NDUFAF2: variants seen among roughly 807,000 people sequenced by gnomAD.
NDUFAF2 encodes the protein NADH dehydrogenase [ubiquinone] 1 alpha subcomplex assembly factor 2.
A neutral mutation model predicts 22.8 loss-of-function variants in NDUFAF2; 13 were observed. That is an observed-to-expected ratio of 0.57 (90% CI 0.37 to 0.91). The LOEUF (loss-of-function observed/expected upper bound fraction) is 0.91, where lower values mean the gene tolerates loss of function less well. NDUFAF2 is among the 40% of genes least tolerant of loss of function. The pLI, the probability that NDUFAF2 is intolerant of heterozygous loss-of-function variation, is 0.01. For synonymous variants in NDUFAF2, 53 were observed against 64.2 expected (o/e 0.83, Z 0.84); for missense variants, 162 against 195.2 (o/e 0.83, Z 1.01).
chr5:60,983,369 T>C (rs1188277934), intron 1 of NDUFAF2, among the ~76,000 whole-genome samples: 1 of 36,080 alleles, frequency 2.8e-5, no homozygotes, highest in Non-Finnish European at 7.7e-5. Flanking sequence ...ACTCTGATGG[T>C]AGTTTCTTTT....
intron 3 of NDUFAF2, among the ~76,000 whole-genome samples, chr5:61,119,176 A>G (rs956102751): frequency 7.9e-5 from 12 of 152,302 alleles, no homozygotes; most frequent in Admixed American, 5.9e-4. Context: ...TGCATACAGA[A>G]CGAATCAGTA....
chr5:61,053,036 T>A (rs758157616), intron 1 of NDUFAF2, among the ~76,000 whole-genome samples: 9 of 152,248 alleles, frequency 5.9e-5, no homozygotes, highest in Non-Finnish European at 1.2e-4. Context: ...AGTCACTTCA[T>A]TGGCATGAGC....
At chr5:61,127,595 G>T (rs191207126) in intron 3 of NDUFAF2, among the ~76,000 whole-genome samples, 34 of 151,542 alleles carry the variant, frequency 2.2e-4, no homozygotes, top group Middle Eastern at 3.4e-3. Context: ...TTTGAATTAG[G>T]TATTCAATAA....
At chr5:61,122,033 T>C (rs1752982337) in intron 3 of NDUFAF2, among the ~76,000 whole-genome samples, 1 of 152,082 alleles carries the variant, frequency 6.6e-6, no homozygotes, top group African/African-American at 2.4e-5. Context: ...TTTTACCATA[T>C]TGGCCAGGCT....
At chr5:61,087,189 T>A (rs1329352328) in intron 2 of NDUFAF2, among the ~76,000 whole-genome samples, 7 of 152,062 alleles carry the variant, frequency 4.6e-5, no homozygotes, top group African/African-American at 1.7e-4. Flanking sequence ...TCCCTGAGCA[T>A]GCACAAAAAA....
At chr5:61,128,236 A>G (rs1278400312) in intron 3 of NDUFAF2, among the ~76,000 whole-genome samples, 1 of 152,214 alleles carries the variant, frequency 6.6e-6, no homozygotes, top group Non-Finnish European at 1.5e-5. Context: ...GGTAATTTAT[A>G]GATTCAATGC....
chr5:61,099,611 A>G (rs1300090286), intron 3 of NDUFAF2, among the ~76,000 whole-genome samples: 1 of 151,592 alleles, frequency 6.6e-6, no homozygotes, highest in Non-Finnish European at 1.5e-5. Context: ...GCTATGGTAT[A>G]TATGTTTTAC....
chr5:61,048,229 G>A (rs1387987683), intron 1 of NDUFAF2, among the ~76,000 whole-genome samples: 1 of 152,000 alleles, frequency 6.6e-6, no homozygotes, highest in Non-Finnish European at 1.5e-5. Flanking sequence ...AATTACCTTT[G>A]GATGGCTTTC....
intron 1 of NDUFAF2, among the ~76,000 whole-genome samples, chr5:60,985,618 GAA>G (rs539510837): frequency 5.3e-5 from 8 of 152,282 alleles, no homozygotes; most frequent in African/African-American, 1.9e-4. Flanking sequence ...TGGTTTGAAA[GAA>G]CATTTTTATT....
intron 1 of NDUFAF2, among the ~76,000 whole-genome samples, chr5:61,034,479 G>T (rs754958534): frequency 5.9e-5 from 9 of 152,150 alleles, no homozygotes; most frequent in African/African-American, 9.7e-5. Flanking sequence ...CAGTAAAAAT[G>T]CAGTATTATA....
chr5:61,056,922 ATATATATATATAT>A (rs1401441868), intron 1 of NDUFAF2, among the ~76,000 whole-genome samples: 11 of 42,520 alleles, frequency 2.6e-4, no homozygotes, highest in Admixed American at 1.0e-3. Context: ...AAAAAAAAAT[ATATATATATATAT>A]ATATATATAT....
At chr5:60,968,482 A>G (rs1289400504) in intron 1 of NDUFAF2, among the ~76,000 whole-genome samples, 1 of 151,750 alleles carries the variant, frequency 6.6e-6, no homozygotes, top group Non-Finnish European at 1.5e-5. Context: ...AATTTTCGTC[A>G]TAGAACTACT....
chr5:60,995,979 C>T (rs1224783977), intron 1 of NDUFAF2, among the ~76,000 whole-genome samples: 2 of 152,186 alleles, frequency 1.3e-5, no homozygotes, highest in Non-Finnish European at 2.9e-5. Context: ...CTTTTAGGCC[C>T]AAGGTCTCTT....
intron 1 of NDUFAF2, among the ~76,000 whole-genome samples, chr5:61,053,829 G>A (rs1351685118): frequency 2.0e-5 from 3 of 151,998 alleles, no homozygotes; most frequent in Non-Finnish European, 4.4e-5. Flanking sequence ...TGAAGGTCTT[G>A]GTGTGGATAT....
intron 1 of NDUFAF2, among the ~76,000 whole-genome samples, chr5:60,983,124 T>C (rs1751011474): frequency 6.6e-6 from 1 of 151,256 alleles, no homozygotes; most frequent in Admixed American, 6.6e-5. Context: ...TCATTGTGGT[T>C]TTGATTTGCA....
intron 2 of NDUFAF2, among the ~76,000 whole-genome samples, chr5:61,096,795 C>T (rs7734205): frequency 0.42 from 63,204 of 151,312 alleles, 13,999 homozygotes; most frequent in East Asian, 0.81. Flanking sequence ...GAAACCCCAT[C>T]TCTACAAAAA....
intron 1 of NDUFAF2, among the ~76,000 whole-genome samples, chr5:61,054,552 T>C (rs569585960): frequency 3.3e-5 from 5 of 152,286 alleles, no homozygotes; most frequent in Admixed American, 6.5e-5. Context: ...CAAATCTCAG[T>C]AGCATTCAGT....
chr5:61,016,190 A>T (rs6864931), intron 1 of NDUFAF2, among the ~76,000 whole-genome samples: 33 of 146,978 alleles, frequency 2.2e-4, no homozygotes, highest in Admixed American at 8.8e-4. Flanking sequence ...ATCTAAAAAA[A>T]AAATATATAT....
chr5:61,131,343 T>C (rs1753109147), intron 3 of NDUFAF2, among the ~76,000 whole-genome samples: 1 of 151,970 alleles, frequency 6.6e-6, no homozygotes, highest in African/African-American at 2.4e-5. Context: ...GCCCAGCTAA[T>C]TGTGTTGTTT....
Sources: gnomAD v4.1 joint callset for allele counts (sites outside exome capture counted in the v4.1 genomes callset) on GRCh38, gnomAD v4.1.1 for gene constraint, MANE v1.5 for transcripts, NCBI Gene and HGNC (gene_info 2026-07-23, HGNC 2026-07-21) for gene names.